The following XRCC4 variants were observed in gnomAD, a reference collection of about 807,000 sequenced individuals.
XRCC4 encodes X-ray repair cross complementing 4.
Under a neutral mutation model 39.1 loss-of-function variants are expected in XRCC4, and 28 were observed. The ratio of observed to expected loss-of-function variants is 0.72; its 90% CI spans 0.53 to 0.98. The LOEUF is 0.98. Ranked by LOEUF, XRCC4 falls within the 50% of genes least tolerant of loss-of-function variation. The probability of loss-of-function intolerance (pLI) is 0.00; values close to 1 mark genes in which losing one functional copy is unlikely to be tolerated. For missense variants in XRCC4, 350 were observed against 376.4 expected, an observed-to-expected ratio of 0.93 and a Z score of 0.58; for synonymous variants, 123 against 126.4, an observed-to-expected ratio of 0.97 and a Z score of 0.18.
chr5:83,223,858 T>A (rs1190651691), intron 6 of XRCC4, among the ~76,000 whole-genome samples: 3 of 113,400 alleles, frequency 2.6e-5, no homozygotes, highest in Admixed American at 2.5e-4. Flanking sequence ...CAGGCCCCAG[T>A]GTGTGATGTT....
At chr5:83,128,240 T>G (rs1747375551) in intron 3 of XRCC4, among the ~76,000 whole-genome samples, 1 of 152,124 alleles carries the variant, frequency 6.6e-6, no homozygotes, top group Admixed American at 6.6e-5. Flanking sequence ...TTTCTGTCCT[T>G]GCAATAGTTT....
At chr5:83,187,019 C>T (rs1357410295) in intron 3 of XRCC4, among the ~76,000 whole-genome samples, 5 of 109,670 alleles carry the variant, frequency 4.6e-5, no homozygotes, top group Admixed American at 4.0e-4. Flanking sequence ...CCTCGGCTCA[C>T]TGCAAGCTCC....
intron 3 of XRCC4, among the ~76,000 whole-genome samples, chr5:83,190,818 T>C (rs370874419): frequency 3.9e-5 from 6 of 152,322 alleles, no homozygotes; most frequent in Admixed American, 2.6e-4. Flanking sequence ...AACATCTGTT[T>C]AATTATTTTC....
intron 3 of XRCC4, among the ~76,000 whole-genome samples, chr5:83,181,485 G>A (rs1225465201): frequency 4.6e-5 from 7 of 151,816 alleles, no homozygotes; most frequent in South Asian, 2.1e-4. Flanking sequence ...TTTTTTATGC[G>A]TTATTCATTT....
At chr5:83,345,342 C>T (rs1222576106) in intron 7 of XRCC4, among the ~76,000 whole-genome samples, 1 of 151,984 alleles carries the variant, frequency 6.6e-6, no homozygotes, top group African/African-American at 2.4e-5. Context: ...TAAAGTTTTG[C>T]CTTTCTCACT....
At chr5:83,340,618 TAA>T (rs34646294) in intron 7 of XRCC4, among the ~76,000 whole-genome samples, 3 of 145,164 alleles carry the variant, frequency 2.1e-5, no homozygotes, top group Non-Finnish European at 1.5e-5. Context: ...CTCTACAAGC[TAA>T]AAAAAAAAAA....
At chr5:83,173,389 A>G (rs1749817723) in intron 3 of XRCC4, among the ~76,000 whole-genome samples, 1 of 152,178 alleles carries the variant, frequency 6.6e-6, no homozygotes, top group African/African-American at 2.4e-5. Flanking sequence ...AACATTTCTC[A>G]TACTATATAA....
chr5:83,301,893 G>A (rs925195521), intron 7 of XRCC4, among the ~76,000 whole-genome samples: 12 of 152,046 alleles, frequency 7.9e-5, no homozygotes, highest in Admixed American at 7.2e-4. Context: ...GTAGATACGT[G>A]GTGTTATGTC....
intron 1 of XRCC4, among the ~76,000 whole-genome samples, chr5:83,100,835 T>A (rs887560205): frequency 2.0e-5 from 3 of 152,082 alleles, no homozygotes; most frequent in African/African-American, 7.2e-5. Flanking sequence ...ATTTTCAAAT[T>A]TAAGGATTAC....
chr5:83,174,340 AT>A (rs533338930), intron 3 of XRCC4, among the ~76,000 whole-genome samples: 1 of 152,156 alleles, frequency 6.6e-6, no homozygotes, highest in East Asian at 1.9e-4. Context: ...ATCTTTAAAA[AT>A]TTTTTTTGAA....
At chr5:83,314,494 A>G (rs1755813114) in intron 7 of XRCC4, among the ~76,000 whole-genome samples, 1 of 152,166 alleles carries the variant, frequency 6.6e-6, no homozygotes, top group African/African-American at 2.4e-5. Context: ...TACAGGCATA[A>G]TTCATTTTAT....
At chr5:83,115,189 A>C (rs1746650537) in intron 3 of XRCC4, among the ~76,000 whole-genome samples, 1 of 152,082 alleles carries the variant, frequency 6.6e-6, no homozygotes, top group Admixed American at 6.5e-5. Flanking sequence ...GCACTTTGGG[A>C]GGCTGAGATG....
chr5:83,162,896 C>T (rs112310567), intron 3 of XRCC4, among the ~76,000 whole-genome samples: 3,650 of 151,102 alleles, frequency 0.024, 57 homozygotes, highest in East Asian at 0.07. Flanking sequence ...GTCATATTTA[C>T]ATTAGCTTTA....
the XRCC4 span, among the ~76,000 whole-genome samples, chr5:83,371,299 C>T: frequency 4.8e-3 from 729 of 152,300 alleles, 9 homozygotes; most frequent in Non-Finnish European, 7.5e-3. Flanking sequence ...ATATCTTCCT[C>T]ACTAGAACAC....
At chr5:83,078,242 T>C (rs1018881249) in intron 1 of XRCC4, among the ~76,000 whole-genome samples, 3 of 152,202 alleles carry the variant, frequency 2.0e-5, no homozygotes, top group African/African-American at 7.2e-5. Context: ...GAGGTTCTAC[T>C]ACACACACAC....
intron 7 of XRCC4, among the ~76,000 whole-genome samples, chr5:83,282,318 CA>C (rs375489374): frequency 1.0e-4 from 15 of 148,512 alleles, no homozygotes; most frequent in African/African-American, 1.5e-4. Flanking sequence ...TTTATAATAG[CA>C]AAAAAAAAGA....
intron 6 of XRCC4, among the ~76,000 whole-genome samples, chr5:83,248,643 TA>T (rs1753198470): frequency 6.6e-6 from 1 of 152,168 alleles, no homozygotes; most frequent in Non-Finnish European, 1.5e-5. Flanking sequence ...TTGCTAACTG[TA>T]ATTTGAAGAT....
chr5:83,084,189 T>A (rs1745082613), intron 1 of XRCC4, among the ~76,000 whole-genome samples: 2 of 152,226 alleles, frequency 1.3e-5, no homozygotes, highest in African/African-American at 4.8e-5. Context: ...AATGGCTTAT[T>A]TGCTATACCT....
At chr5:83,231,933 T>G (rs1350495046) in intron 6 of XRCC4, among the ~76,000 whole-genome samples, 3 of 152,084 alleles carry the variant, frequency 2.0e-5, no homozygotes, top group Non-Finnish European at 4.4e-5. Context: ...TGCATCACAA[T>G]TCCCTCTGCT....
Sources: gnomAD v4.1 joint callset for allele counts (sites outside exome capture counted in the v4.1 genomes callset) on GRCh38, gnomAD v4.1.1 for gene constraint, MANE v1.5 for transcripts, NCBI Gene and HGNC (gene_info 2026-07-23, HGNC 2026-07-21) for gene names.